Variants in MYPN observed in about 807,000 individuals in gnomAD.
MYPN encodes the protein sarcomeric protein myopalladin, 145 kDa (MYOP).
MYPN carries 63 observed loss-of-function variants against 129.4 expected under a neutral mutation model. The observed-to-expected ratio is 0.49, with a 90% CI of 0.40 to 0.60. MYPN has a LOEUF of 0.60. Among genes scored for constraint, MYPN ranks in the 20% least tolerant of loss-of-function variants. The probability of loss-of-function intolerance (pLI) is 0.00; values close to 1 mark genes in which losing one functional copy is unlikely to be tolerated. For missense variants in MYPN, 1,596 were observed against 1,635.4 expected (o/e 0.98, Z 0.42); for synonymous variants, 629 against 600.9 (o/e 1.05, Z -0.68).
intron 1 of MYPN, among the ~76,000 whole-genome samples, chr10:68,116,315 T>A (rs576400650): frequency 6.6e-6 from 1 of 152,376 alleles, no homozygotes; most frequent in African/African-American, 2.4e-5. Context: ...TTATTTTGGC[T>A]AATATTTTAT....
chr10:68,121,215 T>C (rs577755181), intron 1 of MYPN, among the ~76,000 whole-genome samples: 1 of 152,222 alleles, frequency 6.6e-6, no homozygotes, highest in African/African-American at 2.4e-5. Flanking sequence ...GAGGTGGAGG[T>C]TGCAGTGAGC....
intron 16 of MYPN, among the ~76,000 whole-genome samples, chr10:68,198,125 A>G (rs2043642094): frequency 6.6e-6 from 1 of 152,230 alleles, no homozygotes; most frequent in African/African-American, 2.4e-5. Flanking sequence ...ATTTGCATCT[A>G]AGCCTTTTAA....
chr10:68,172,620 C>T (rs1264419899), intron 10 of MYPN, among the ~76,000 whole-genome samples: 4 of 152,120 alleles, frequency 2.6e-5, no homozygotes, highest in African/African-American at 9.7e-5. Context: ...TCACGTGATG[C>T]CTCTGTGACT....
chr10:68,179,182 C>T (rs2043275579), intron 12 of MYPN, among the ~76,000 whole-genome samples: 1 of 152,138 alleles, frequency 6.6e-6, no homozygotes, highest in Non-Finnish European at 1.5e-5. Context: ...TGACAATCCT[C>T]TTTTGTGAGC....
At chr10:68,092,653 CAG>C (rs2041936449) in intron 1 of MYPN, among the ~76,000 whole-genome samples, 1 of 152,114 alleles carries the variant, frequency 6.6e-6, no homozygotes, top group Admixed American at 6.6e-5. Flanking sequence ...GTTAAATTTT[CAG>C]AGTGTAGGAG....
chr10:68,142,989 G>C lies in MYPN; in HGVS notation c.952G>C (p.Val318Leu), dbSNP rs112518450. Residue 318 changes from valine to leucine, a missense_variant, in exon 3 of 20, where the codon GTC becomes CTC. Transcript: ENST00000358913. ...TGAAAATTCCCCAGATATTCACATC[G>C]TCCAGGCAGGAAATCTGCACTCACT... ...ELENSPDIHI[V>L]QAGNLHSLTI... is the part of the protein sequence containing the mutation. 6.2e-7 allele frequency: 1 copy of C among 1,614,084 alleles called. No individual in the cohort carries two copies. The highest frequency in any genetic ancestry group is 1.7e-5 in the Admixed American group (1 of 60,018).
chr10:68,195,822 A>G (rs117938873), intron 15 of MYPN, among the ~76,000 whole-genome samples: 2 of 152,168 alleles, frequency 1.3e-5, no homozygotes, highest in Non-Finnish European at 2.9e-5. Flanking sequence ...TATTTTTTAG[A>G]GACAGGGTCT....
chr10:68,093,599 T>C (rs921444639), intron 1 of MYPN, among the ~76,000 whole-genome samples: 1 of 102,752 alleles, frequency 9.7e-6, no homozygotes, highest in Non-Finnish European at 2.1e-5. Flanking sequence ...AAAAAAGAAA[T>C]ACAAAAAATG....
chr10:68,119,862 C>T (rs749576563), intron 1 of MYPN, among the ~76,000 whole-genome samples: 3 of 152,178 alleles, frequency 2.0e-5, no homozygotes, highest in Non-Finnish European at 4.4e-5. Context: ...AATTGCTTCT[C>T]AAGGTGGCTG....
In MYPN at chr10:68,161,716, T is replaced by C. The variant is rs749661662; in HGVS notation, c.1460-13T>C. On this transcript the variant is annotated splice_polypyrimidine_tract_variant and intron_variant, in intron 7 of 19. Transcript: ENST00000358913. The stretch of plus-strand genomic sequence containing the variant: ...AATAAATGCTCAGAATCTTTTACTT[T>C]CTTTTCTTTTAGAACCTCGATCCAT... 1.9e-6 allele frequency: 3 copies of C among 1,609,376 alleles called. No homozygotes were observed. Among genetic ancestry groups the C allele is most frequent in the Non-Finnish European group, 2.5e-6 (3 of 1,176,570 alleles).
intron 2 of MYPN, among the ~76,000 whole-genome samples, chr10:68,124,880 C>T (rs567897682): frequency 6.6e-6 from 1 of 152,280 alleles, no homozygotes; most frequent in Non-Finnish European, 1.5e-5. Context: ...CTCCCTGGGA[C>T]TCTGGTTGGT....
Position 68,174,313 on chromosome 10 carries a change from A to G in MYPN, c.2221A>G (p.Ser741Gly), listed in dbSNP as rs2043191140. The G allele has an allele frequency of 1.2e-6, 2 of 1,613,948 alleles. No homozygotes were observed. Among genetic ancestry groups the G allele is most frequent in the African/African-American group, 2.7e-5 (2 of 74,870 alleles). The change falls in exon 11 of 20, where the codon AGC (serine) becomes GGC (glycine). Residue 741 changes from serine (S) to glycine (G), a missense_variant. Coordinates refer to ENST00000358913, the MANE Select transcript of MYPN (RefSeq NM_032578.4). ...CACCGCAGCAACTGTGGCCCCTTCC[A>G]GCTCTCCGGTGTTCACTTTGAGCAG... is the stretch of plus-strand genomic sequence containing the variant. ...NTTAATVAPS[S>G]SPVFTLSSTP...
At chr10:68,208,326 G>A (rs942516971) in intron 19 of MYPN, among the ~76,000 whole-genome samples, 2 of 152,150 alleles carry the variant, frequency 1.3e-5, no homozygotes, top group Non-Finnish European at 2.9e-5. Flanking sequence ...GTACCATACA[G>A]GAGGGGCTTC....
chr10:68,195,659 A>G, intron 15 of MYPN, 127 bp downstream of exon 15: 1 of 781,476 alleles, frequency 1.3e-6, no homozygotes, highest in South Asian at 1.4e-5. Context: ...CACTAGCATC[A>G]CCTGGGCGTT....
At chr10:68,096,723 G>A (rs2133940286) in intron 1 of MYPN, among the ~76,000 whole-genome samples, 1 of 152,304 alleles carries the variant, frequency 6.6e-6, no homozygotes, top group South Asian at 2.1e-4. Flanking sequence ...TTCTACATAA[G>A]AGTGTTTATA....
At position 68,122,243 on chromosome 10, in the gene MYPN, C is replaced by T. The variant is rs560119421; in HGVS notation, c.805C>T (p.Pro269Ser). Reference sequence around the variant, plus strand: ...CTATGAAGAACCTCTGGGGCAACCTCCCCGGTTCACTCAAAAGTTACGGAG... The same window carrying T: ...CTATGAAGAACCTCTGGGGCAACCTTCCCGGTTCACTCAAAAGTTACGGAG... ...LYYEEPLGQP[P>S]RFTQKLRSRE... Residue 269 changes from proline (P) to serine (S), a missense_variant, in exon 2 of 20, where the codon CCC becomes TCC. By Grantham distance (74) the Pro-to-Ser change is moderately conservative. Coordinates refer to ENST00000358913, the MANE Select transcript of MYPN (RefSeq NM_032578.4). 4 of 1,613,210 alleles carry T rather than the reference C, an allele frequency of 2.5e-6. No individual in the cohort carries two copies. The highest frequency in any genetic ancestry group is 1.3e-5 in the African/African-American group (1 of 74,908).
Position 68,211,694 on chromosome 10 carries a change from G to A in MYPN, c.*1239G>A. 1 of 454,074 alleles carries A rather than the reference G, an allele frequency of 2.2e-6. No individual in the cohort carries two copies. The highest frequency in any genetic ancestry group is 4.4e-6 in the Non-Finnish European group (1 of 226,786). 28.1% of individuals were successfully genotyped at this position (454,074 alleles called of 1,614,324 possible). On this transcript the variant is annotated 3_prime_UTR_variant, in exon 20 of 20. Coordinates refer to ENST00000358913, the MANE Select transcript of MYPN (RefSeq NM_032578.4). Reference sequence around the variant, plus strand: ...GTAGACATTCAATAAATATTTGCTGGTTGAATGAATCTTCTGTTATTATGT... The same window carrying A: ...GTAGACATTCAATAAATATTTGCTGATTGAATGAATCTTCTGTTATTATGT...
chr10:68,132,206 A>T (rs1487940001), intron 2 of MYPN, among the ~76,000 whole-genome samples: 2 of 152,140 alleles, frequency 1.3e-5, no homozygotes, highest in Non-Finnish European at 2.9e-5. Flanking sequence ...TCATGAAAGG[A>T]TGTTGAATTT....
At position 68,192,327 on chromosome 10, in the gene MYPN, C is replaced by T. The variant is rs901615499; in HGVS notation, c.2926-2036C>T. Among the ~76,000 whole-genome samples, 45 of 152,274 alleles carry T rather than the reference C, an allele frequency of 3.0e-4. 1 individual carries two copies. The highest frequency in any genetic ancestry group is 1.1e-3 in the African/African-American group (45 of 41,560). On this transcript the variant is annotated intron_variant, in intron 13 of 19. Coordinates refer to ENST00000358913, the MANE Select transcript of MYPN (RefSeq NM_032578.4). Reference sequence around the variant, plus strand: ...ATTGACTTGCCTGTGTTGAATCATCCTTGCAGAGCTGAGATGAATCACACT... The same window carrying T: ...ATTGACTTGCCTGTGTTGAATCATCTTTGCAGAGCTGAGATGAATCACACT...
Sources: gnomAD v4.1 joint callset for allele counts (sites outside exome capture counted in the v4.1 genomes callset) on GRCh38, gnomAD v4.1.1 for gene constraint, MANE v1.5 for transcripts, NCBI Gene and HGNC (gene_info 2026-07-23, HGNC 2026-07-21) for gene names.